Variants in SLC41A2 observed in about 807,000 individuals in gnomAD.
SLC41A2 encodes the protein SLC41A1-like 1.
A neutral mutation model predicts 58.3 loss-of-function variants in SLC41A2; 32 were observed. The ratio of observed to expected loss-of-function variants is 0.55; its 90% CI spans 0.41 to 0.74. SLC41A2 has a LOEUF of 0.74. Among genes scored for constraint, SLC41A2 ranks in the 30% least tolerant of loss-of-function variants. SLC41A2 has a pLI of 0.00. For synonymous variants in SLC41A2, 190 were observed against 235.0 expected (o/e 0.81, Z 1.75); for missense variants, 514 against 680.6 (o/e 0.76, Z 2.72).
intron 6 of SLC41A2, among the ~76,000 whole-genome samples, chr12:104,874,359 C>A (rs1481870882): frequency 1.3e-5 from 2 of 152,156 alleles, no homozygotes; most frequent in Non-Finnish European, 2.9e-5. Flanking sequence ...CAGGCGTGAG[C>A]CATCACGCCC....
At chr12:104,826,279 C>T (rs1304662916) in intron 10 of SLC41A2, among the ~76,000 whole-genome samples, 1 of 152,164 alleles carries the variant, frequency 6.6e-6, no homozygotes, top group African/African-American at 2.4e-5. Flanking sequence ...GAAGGACTGG[C>T]TTGGCCTCAG....
In SLC41A2 at chr12:104,879,224, G is replaced by T. The variant is rs1008369826; in HGVS notation, c.1027+7069C>A. Among the ~76,000 whole-genome samples, 4 of 152,166 alleles carry T rather than the reference G, an allele frequency of 2.6e-5. No homozygotes were observed. In the East Asian group the frequency reaches 7.7e-4, roughly 29 times the overall value. ...CTGGCTATTAGCCCTTTGTCAGATG[G>T]GTAGATTGCAAAAATTTTCTCCCAT... is the stretch of plus-strand genomic sequence containing the variant. On this transcript the variant is annotated intron_variant, in intron 6 of 10. Coordinates refer to ENST00000258538, the MANE Select transcript of SLC41A2 (RefSeq NM_001352171.3).
chr12:104,834,352 A>G (rs2042137018), intron 10 of SLC41A2, among the ~76,000 whole-genome samples: 1 of 152,208 alleles, frequency 6.6e-6, no homozygotes, highest in South Asian at 2.1e-4. Context: ...AAGCATATTG[A>G]TCAACTCCAA....
chr12:104,880,269 A>T (rs2044292921), intron 6 of SLC41A2, among the ~76,000 whole-genome samples: 1 of 152,152 alleles, frequency 6.6e-6, no homozygotes, highest in Non-Finnish European at 1.5e-5. Flanking sequence ...AAACAGGGAC[A>T]ATTTGACTTC....
chr12:104,853,926 T>TTTTTTTTTTTTTTTTTA (rs2042918454), intron 8 of SLC41A2, among the ~76,000 whole-genome samples: 1 of 118,848 alleles, frequency 8.4e-6, no homozygotes, highest in Admixed American at 8.3e-5. Context: ...TTTTTTTTTT[T>TTTTTTTTTTTTTTTTTA]TTTTTTTTTT....
chr12:104,917,482 C>T (rs1454696811), intron 2 of SLC41A2, among the ~76,000 whole-genome samples: 3 of 151,990 alleles, frequency 2.0e-5, no homozygotes, highest in Admixed American at 1.3e-4. Flanking sequence ...TGGGTATATA[C>T]CCAAAGGACT....
At chr12:104,941,944 T>C (rs1413284253) in intron 1 of SLC41A2, among the ~76,000 whole-genome samples, 2 of 152,218 alleles carry the variant, frequency 1.3e-5, no homozygotes, top group East Asian at 1.9e-4. Flanking sequence ...CTGACAGCAA[T>C]GAATAAACAG....
At chr12:104,848,246 C>T (rs2042680314) in intron 8 of SLC41A2, among the ~76,000 whole-genome samples, 1 of 151,932 alleles carries the variant, frequency 6.6e-6, no homozygotes, top group African/African-American at 2.4e-5. Flanking sequence ...GAAGAAAACA[C>T]AAGGAAATTT....
intron 6 of SLC41A2, among the ~76,000 whole-genome samples, chr12:104,885,595 AAAT>A (rs2135640435): frequency 6.6e-6 from 1 of 152,282 alleles, no homozygotes; most frequent in African/African-American, 2.4e-5. Context: ...TGGCATCTAA[AAAT>A]AATAAAACCA....
intron 1 of SLC41A2, among the ~76,000 whole-genome samples, chr12:104,937,492 G>C (rs2135930375): frequency 6.6e-6 from 1 of 152,298 alleles, no homozygotes; most frequent in East Asian, 1.9e-4. Flanking sequence ...CTGTACTGTA[G>C]CCTAGGAGCG....
At chr12:104,817,633 T>A (rs994183682) in intron 10 of SLC41A2, among the ~76,000 whole-genome samples, 3 of 151,970 alleles carry the variant, frequency 2.0e-5, no homozygotes, top group Non-Finnish European at 4.4e-5. Flanking sequence ...TTTTAAACTT[T>A]TTTGAATATA....
Position 104,850,261 on chromosome 12 carries a change from C to T in SLC41A2, c.1256-4287G>A, listed in dbSNP as rs1018274402. On this transcript the variant is annotated intron_variant, in intron 8 of 10. Coordinates refer to ENST00000258538, the MANE Select transcript of SLC41A2 (RefSeq NM_001352171.3). ...TTGTTTTTATAATAGGATTATCTGG[C>T]TTGTGCTAGATTATTAATTCTTTGC... 3.9e-5 allele frequency among the ~76,000 whole-genome samples: 6 copies of T among 152,216 alleles called. No individual in the cohort carries two copies. In the South Asian group the frequency reaches 1.2e-3, roughly 32 times the overall value.
intron 6 of SLC41A2, among the ~76,000 whole-genome samples, chr12:104,881,043 G>A (rs1207786769): frequency 1.3e-5 from 2 of 152,094 alleles, no homozygotes; most frequent in Non-Finnish European, 2.9e-5. Flanking sequence ...TTTAGTCTTG[G>A]GAGGGTGTAT....
chr12:104,906,671 A>AG (rs1460191883), intron 3 of SLC41A2, among the ~76,000 whole-genome samples: 2 of 152,222 alleles, frequency 1.3e-5, no homozygotes, highest in Non-Finnish European at 2.9e-5. Flanking sequence ...TATGTTATAT[A>AG]GGTCTCCATT....
At chr12:104,880,212 G>A (rs78723172) in intron 6 of SLC41A2, among the ~76,000 whole-genome samples, 1 of 152,022 alleles carries the variant, frequency 6.6e-6, no homozygotes, top group African/African-American at 2.4e-5. Context: ...AAGGAGATTT[G>A]GGGCAGATAA....
intron 2 of SLC41A2, among the ~76,000 whole-genome samples, chr12:104,920,655 T>C (rs1242061328): frequency 1.3e-5 from 2 of 151,966 alleles, no homozygotes; most frequent in African/African-American, 4.8e-5. Context: ...CTGGGCGTGG[T>C]GGCTCACACC....
intron 10 of SLC41A2, 69 bp downstream of exon 10, chr12:104,844,401 TTA>T: frequency 9.6e-7 from 1 of 1,041,922 alleles, no homozygotes; most frequent in Non-Finnish European, 1.3e-6. Context: ...TCATGTGTTT[TTA>T]TATTTCCACA....
chr12:104,835,673 T>C (rs1413914242), intron 10 of SLC41A2, among the ~76,000 whole-genome samples: 1 of 152,172 alleles, frequency 6.6e-6, no homozygotes, highest in Non-Finnish European at 1.5e-5. Context: ...GATTCCTACT[T>C]GACTTCAGTA....
At chr12:104,860,000 C>G (rs978350538) in intron 8 of SLC41A2, among the ~76,000 whole-genome samples, 1 of 152,014 alleles carries the variant, frequency 6.6e-6, no homozygotes, top group Admixed American at 6.6e-5. Flanking sequence ...GCCTTGGCCT[C>G]GCAAAGTACT....
Sources: allele counts gnomAD v4.1 joint callset (sites outside exome capture counted in the v4.1 genomes callset), GRCh38; gene constraint gnomAD v4.1.1; transcripts MANE v1.5; gene names NCBI Gene and HGNC (gene_info 2026-07-23, HGNC 2026-07-21).